The following PARG variants were observed in gnomAD, a reference collection of about 807,000 sequenced individuals.
PARG encodes the protein mitochondrial poly(ADP-ribose) glycohydrolase.
PARG carries 35 observed loss-of-function variants against 113.0 expected under a neutral mutation model. The observed-to-expected ratio is 0.31, with a 90% CI of 0.24 to 0.41. PARG has a LOEUF of 0.41. Ranked by LOEUF, PARG falls within the 10% of genes least tolerant of loss-of-function variation. The pLI is 1.00. For synonymous variants in PARG, 330 were observed against 409.9 expected, an observed-to-expected ratio of 0.81 and a Z score of 2.36; for missense variants, 797 against 1,169.4, an observed-to-expected ratio of 0.68 and a Z score of 4.64.
At chr10:49,904,088 T>C (rs1848465821) in intron 7 of PARG, among the ~76,000 whole-genome samples, 2 of 151,228 alleles carry the variant, frequency 1.3e-5, no homozygotes. Flanking sequence ...AATTATGACA[T>C]CATACTGTAA....
In PARG at chr10:49,889,242, T is replaced by C. The variant is rs374521276; in HGVS notation, c.1738-3947A>G. On this transcript the variant is annotated intron_variant, in intron 7 of 17. Coordinates refer to ENST00000616448, the MANE Select transcript of PARG (RefSeq NM_003631.5). ...AGTTGAGATTTTCCTGATTCTTTTC[T>C]GGTCATGAGGGACATTTTGTTGAAA... Among the ~76,000 whole-genome samples the C allele has an allele frequency of 1.6e-3, 242 of 152,290 alleles. 12 individuals carry two copies. In the South Asian group the frequency reaches 0.046, roughly 29 times the overall value.
intron 13 of PARG, among the ~76,000 whole-genome samples, chr10:49,851,781 CAAA>C (rs782455561): frequency 7.3e-5 from 6 of 81,950 alleles, no homozygotes; most frequent in Non-Finnish European, 4.9e-5. Context: ...TAAGAGAAGA[CAAA>C]AAAAAAAAAA....
At chr10:49,918,752 G>A (rs1172541564) in intron 6 of PARG, among the ~76,000 whole-genome samples, 1 of 151,956 alleles carries the variant, frequency 6.6e-6, no homozygotes, top group Admixed American at 6.6e-5. Flanking sequence ...TTTCAGCAAA[G>A]GAAACAATTA....
intron 7 of PARG, among the ~76,000 whole-genome samples, chr10:49,907,248 A>G (rs1836904327): frequency 1.3e-5 from 2 of 152,236 alleles, no homozygotes; most frequent in East Asian, 1.9e-4. Flanking sequence ...TAAAAACTTC[A>G]TTAACACACT....
intron 10 of PARG, 78 bp downstream of exon 10, chr10:49,869,398 A>G (rs1293124381): frequency 5.2e-5 from 35 of 670,252 alleles, no homozygotes; most frequent in Non-Finnish European, 7.9e-5. Flanking sequence ...GTTAAACACA[A>G]AATGTTCCTC....
At chr10:49,831,265 TAAG>T (rs782460231) in intron 16 of PARG, among the ~76,000 whole-genome samples, 1 of 152,166 alleles carries the variant, frequency 6.6e-6, no homozygotes, top group Non-Finnish European at 1.5e-5. Context: ...ATAAAAATAT[TAAG>T]AAGCATTTTA....
At chr10:49,831,154 C>T (rs1196878955) in intron 16 of PARG, among the ~76,000 whole-genome samples, 1 of 151,910 alleles carries the variant, frequency 6.6e-6, no homozygotes, top group African/African-American at 2.4e-5. Context: ...CTGAGATGAC[C>T]TGAAGAATGG....
chr10:49,939,256 TA>T (rs1158778622), intron 1 of PARG, among the ~76,000 whole-genome samples: 1 of 152,208 alleles, frequency 6.6e-6, no homozygotes, highest in Non-Finnish European at 1.5e-5. Flanking sequence ...TCATACCCTT[TA>T]AACACATCGC....
At position 49,885,117 on chromosome 10, in the gene PARG, T is replaced by C. The variant is rs530587840; in HGVS notation, c.1830+86A>G. ...CTCTGTCTCTCTGTCTCTCTCTCTC[T>C]CTCTGTGTGACCCTGGCCATTCGAG... On this transcript the variant is annotated intron_variant, in intron 8 of 17. Coordinates refer to ENST00000616448, the MANE Select transcript of PARG (RefSeq NM_003631.5). 62 of 790,824 alleles carry C rather than the reference T, an allele frequency of 7.8e-5. 1 individual carries two copies. The South Asian group carries it at 8.0e-4, about 10-fold the overall frequency. 49.0% of individuals were successfully genotyped at this position (790,824 alleles called of 1,614,324 possible). A position where few individuals can be genotyped will look rare whatever the true frequency, so the allele number is the denominator to read the frequency against.
At chr10:49,906,276 C>G (rs1208916683) in intron 7 of PARG, among the ~76,000 whole-genome samples, 2 of 151,854 alleles carry the variant, frequency 1.3e-5, no homozygotes, top group African/African-American at 4.8e-5. Flanking sequence ...AGCCACATGT[C>G]CAGCCATGTG....
chr10:49,838,185 C>G (rs1845038098), intron 15 of PARG, among the ~76,000 whole-genome samples: 2 of 152,032 alleles, frequency 1.3e-5, no homozygotes, highest in South Asian at 4.1e-4. Flanking sequence ...AATCCCGGCA[C>G]TTTGGGAGGC....
At chr10:49,885,730 T>C (rs1302606918) in intron 7 of PARG, among the ~76,000 whole-genome samples, 1 of 152,176 alleles carries the variant, frequency 6.6e-6, no homozygotes, top group African/African-American at 2.4e-5. Context: ...GAAATCTCCA[T>C]AAAAGCCACA....
intron 15 of PARG, among the ~76,000 whole-genome samples, chr10:49,840,337 G>A (rs1486170083): frequency 1.3e-5 from 2 of 151,254 alleles, no homozygotes; most frequent in Admixed American, 1.3e-4. Context: ...TCTGCAGTGA[G>A]CTGTGATCGC....
intron 13 of PARG, among the ~76,000 whole-genome samples, chr10:49,854,502 T>C (rs550149656): frequency 4.2e-4 from 64 of 152,074 alleles, no homozygotes; most frequent in African/African-American, 1.4e-3. Context: ...AAAGTTCTAA[T>C]ATATTAAAAC....
At chr10:49,889,090 G>GT (rs1452279494) in intron 7 of PARG, among the ~76,000 whole-genome samples, 3 of 127,018 alleles carry the variant, frequency 2.4e-5, no homozygotes, top group South Asian at 2.4e-4. Flanking sequence ...GGGACTTTCT[G>GT]TTTTTTTCAT....
At chr10:49,894,425 C>G (rs1847975733) in intron 7 of PARG, among the ~76,000 whole-genome samples, 1 of 151,974 alleles carries the variant, frequency 6.6e-6, no homozygotes, top group African/African-American at 2.4e-5. Flanking sequence ...CTAAGGTTTC[C>G]CATTAGCTAT....
At chr10:49,880,244 T>C (rs1218280539) in intron 8 of PARG, among the ~76,000 whole-genome samples, 4 of 152,226 alleles carry the variant, frequency 2.6e-5, no homozygotes, top group African/African-American at 9.6e-5. Context: ...TCTTTCTTAG[T>C]CCTCAATAAA....
chr10:49,908,787 C>T (rs1382120817), intron 7 of PARG, among the ~76,000 whole-genome samples: 19 of 152,006 alleles, frequency 1.2e-4, no homozygotes, highest in Admixed American at 9.8e-4. Context: ...CAAAACAAAA[C>T]AAAAAATGAC....
chr10:49,902,086 A>G (rs1848371256), intron 7 of PARG, among the ~76,000 whole-genome samples: 2 of 152,232 alleles, frequency 1.3e-5, no homozygotes, highest in South Asian at 4.1e-4. Context: ...TGGACTCCAC[A>G]GATGTAGTCT....
Sources: gnomAD v4.1 joint callset for allele counts (sites outside exome capture counted in the v4.1 genomes callset) on GRCh38, gnomAD v4.1.1 for gene constraint, MANE v1.5 for transcripts, NCBI Gene and HGNC (gene_info 2026-07-23, HGNC 2026-07-21) for gene names.